Variants in LINC00237 observed in about 807,000 individuals in gnomAD.
LINC00237 encodes long independently transcribed non-coding RNA 237, also known as long intergenic non-protein coding RNA 237.
intron 1 of LINC00237, among the ~76,000 whole-genome samples, chr20:21,104,437 GCAACAGCCTTGT>G (rs1274037693): frequency 6.6e-6 from 1 of 152,256 alleles, no homozygotes; most frequent in African/African-American, 2.4e-5. Context: ...GCGGCCGCAA[GCAACAGCCTTGT>G]CCATAAATCC....
intron 2 of LINC00237, among the ~76,000 whole-genome samples, chr20:21,092,022 G>A (rs2030799978): frequency 1.3e-5 from 2 of 151,748 alleles, no homozygotes; most frequent in South Asian, 4.2e-4. Context: ...CTTAGTTTTG[G>A]CTTTCTGACA....
chr20:21,100,358 A>G (rs1434073750), intron 1 of LINC00237, among the ~76,000 whole-genome samples: 2 of 152,208 alleles, frequency 1.3e-5, no homozygotes, highest in Non-Finnish European at 2.9e-5. Flanking sequence ...TTGTAGACGG[A>G]CGCGGGCCTT....
intron 1 of LINC00237, among the ~76,000 whole-genome samples, chr20:21,103,242 C>T (rs1375338647): frequency 6.6e-6 from 1 of 152,236 alleles, no homozygotes; most frequent in Non-Finnish European, 1.5e-5. Flanking sequence ...AACACGAAAG[C>T]GCCTTGTGGC....
chr20:21,100,440 G>C (rs553039721), intron 1 of LINC00237, among the ~76,000 whole-genome samples: 9 of 152,240 alleles, frequency 5.9e-5, no homozygotes, highest in African/African-American at 1.9e-4. Context: ...TGGCGTTTCC[G>C]CAAACTGCAT....
chr20:21,098,775 T>C (rs2030891467), intron 1 of LINC00237, among the ~76,000 whole-genome samples: 1 of 152,228 alleles, frequency 6.6e-6, no homozygotes, highest in South Asian at 2.1e-4. Flanking sequence ...AAGATCCTCC[T>C]CGAACATCCT....
chr20:21,094,902 T>A (rs1418696116), intron 1 of LINC00237, among the ~76,000 whole-genome samples: 1 of 152,058 alleles, frequency 6.6e-6, no homozygotes, highest in Non-Finnish European at 1.5e-5. Flanking sequence ...ATACAAAAAA[T>A]TAGCTGGGCA....
intron 2 of LINC00237, chr20:21,090,593 A>C (rs1468330031): frequency 1.3e-5 from 2 of 152,220 alleles, no homozygotes; most frequent in African/African-American, 4.8e-5. Context: ...GGACTTCATT[A>C]GCATGCAGGG....
chr20:21,086,669 A>T, intron 3 of LINC00237, among the ~76,000 whole-genome samples: 1 of 57,648 alleles, frequency 1.7e-5, no homozygotes, highest in Non-Finnish European at 3.6e-5. Flanking sequence ...ATAGTATACT[A>T]TATATAGTAT....
At chr20:21,092,464 A>C (rs963512033) in intron 2 of LINC00237, among the ~76,000 whole-genome samples, 1 of 152,348 alleles carries the variant, frequency 6.6e-6, no homozygotes, top group Middle Eastern at 3.4e-3. Context: ...GGCGGTAGGC[A>C]CTTTGAGGTT....
chr20:21,103,606 T>A (rs2030960929), intron 1 of LINC00237, among the ~76,000 whole-genome samples: 1 of 152,228 alleles, frequency 6.6e-6, no homozygotes, highest in African/African-American at 2.4e-5. Flanking sequence ...ACAGTGTCTG[T>A]GAGGAGAAGT....
chr20:21,086,476 T>G (rs915044560), intron 3 of LINC00237, among the ~76,000 whole-genome samples: 1 of 149,766 alleles, frequency 6.7e-6, no homozygotes, highest in Non-Finnish European at 1.5e-5. Context: ...TATATACGTA[T>G]AGATATGTAT....
intron 2 of LINC00237, among the ~76,000 whole-genome samples, chr20:21,091,057 G>C (rs1323833400): frequency 6.7e-6 from 1 of 150,338 alleles, no homozygotes; most frequent in Non-Finnish European, 1.5e-5. Context: ...GTGTGTGTGT[G>C]TGCGTGTGTG....
chr20:21,102,594 G>C (rs1177198123), intron 1 of LINC00237, among the ~76,000 whole-genome samples: 1 of 151,154 alleles, frequency 6.6e-6, no homozygotes, highest in African/African-American at 2.4e-5. Context: ...ATGTGAGAAA[G>C]ACTTCAACGC....
chr20:21,085,803 A>G (rs1420247964), exon 4 of LINC00237, among the ~76,000 whole-genome samples: 1 of 151,986 alleles, frequency 6.6e-6, no homozygotes, highest in Non-Finnish European at 1.5e-5. Flanking sequence ...ACTTTGCAAT[A>G]TTTACTTTAT....
Position 21,086,655 on chromosome 20 carries a change from ATG to A in LINC00237, n.560-769_560-768del, listed in dbSNP as rs1441715453. Among the ~76,000 whole-genome samples, 188 of 113,450 alleles carry A rather than the reference ATG, an allele frequency of 1.7e-3. 3 individuals are homozygous for A. Among genetic ancestry groups the A allele is most frequent in the African/African-American group, 4.8e-3 (149 of 31,234 alleles). The allele number at this position is 113,450 out of a possible 152,430, so 74.4% of individuals were successfully genotyped here. A position where few individuals can be genotyped will look rare whatever the true frequency, so the allele number is the denominator to read the frequency against. On this transcript the variant is annotated intron_variant and non_coding_transcript_variant, in intron 3 of 3. Coordinates refer to ENST00000691244, the Ensembl canonical transcript of LINC00237. ...GTATACTATATATAGTATACTATAT[ATG>A]TATAGTATACTATATATAGTATACT... is the stretch of plus-strand genomic sequence containing the variant.
chr20:21,093,671 G>A (rs1185692634), exon 2 of LINC00237: 1 of 152,250 alleles, frequency 6.6e-6, no homozygotes, highest in Non-Finnish European at 1.5e-5. Context: ...TGCTGTCCAT[G>A]AGAATGTTAG....
chr20:21,103,030 G>T (rs2030953767), intron 1 of LINC00237, among the ~76,000 whole-genome samples: 1 of 152,300 alleles, frequency 6.6e-6, no homozygotes, highest in East Asian at 1.9e-4. Flanking sequence ...GTCGCGACCG[G>T]CAGGCCTGGA....
chr20:21,087,130 A>G (rs1400006831), intron 3 of LINC00237, among the ~76,000 whole-genome samples: 1 of 151,216 alleles, frequency 6.6e-6, no homozygotes, highest in African/African-American at 2.4e-5. Context: ...AGACAGAGAG[A>G]CAGACATAGA....
intron 1 of LINC00237, among the ~76,000 whole-genome samples, chr20:21,095,119 T>C (rs972591646): frequency 4.6e-5 from 7 of 152,178 alleles, no homozygotes; most frequent in African/African-American, 1.2e-4. Flanking sequence ...TGGCTGCACA[T>C]TGTGGCTTGC....
Sources: gnomAD v4.1 joint callset for allele counts (sites outside exome capture counted in the v4.1 genomes callset) on GRCh38, gnomAD v4.1.1 for gene constraint, MANE v1.5 for transcripts, NCBI Gene and HGNC (gene_info 2026-07-23, HGNC 2026-07-21) for gene names.